The following HERC5 variants were observed in gnomAD, a reference collection of about 807,000 sequenced individuals.
The protein encoded by HERC5 is E3 ISG15--protein ligase HERC5.
HERC5 carries 99 observed loss-of-function variants against 119.6 expected under a neutral mutation model. That is an observed-to-expected ratio of 0.83 (90% CI 0.70 to 0.98). HERC5 has a LOEUF of 0.98. Ranked by LOEUF, HERC5 falls within the 50% of genes least tolerant of loss-of-function variation. HERC5 has a pLI of 0.00. For synonymous variants in HERC5, 478 were observed against 445.9 expected, an observed-to-expected ratio of 1.07 and a Z score of -0.91; for missense variants, 1,267 against 1,241.3, an observed-to-expected ratio of 1.02 and a Z score of -0.31.
chr4:88,467,024 A>AT (rs1387137021), intron 6 of HERC5, 35 bp from the exon 7 acceptor site: 3 of 1,609,024 alleles, frequency 1.9e-6, no homozygotes, highest in Admixed American at 1.7e-5. Flanking sequence ...ATTGTGGATA[A>AT]TTAAGAATTG....
At chr4:88,499,877 A>G (rs778127848) in intron 18 of HERC5, 49 bp from the exon 19 acceptor site, 4 of 1,253,018 alleles carry the variant, frequency 3.2e-6, no homozygotes, top group Non-Finnish European at 1.2e-6. Context: ...TGCTGTGTCT[A>G]GTGATCATGG....
In HERC5 at chr4:88,481,617, G is replaced by A. The variant is rs556764793; in HGVS notation, c.1737+2110G>A. On this transcript the variant is annotated intron_variant, in intron 13 of 22. Coordinates refer to ENST00000264350, the MANE Select transcript of HERC5 (RefSeq NM_016323.4). ...AATTATTACCCTAAATCAGGGGTCG[G>A]CAGCTTTTTTCTGGAAAGGACCAGA... is the stretch of plus-strand genomic sequence containing the variant. 2.0e-5 allele frequency among the ~76,000 whole-genome samples: 3 copies of A among 152,188 alleles called. No individual in the cohort carries two copies. The East Asian group carries it at 5.8e-4, about 29-fold the overall frequency.
intron 12 of HERC5, 54 bp downstream of exon 12, chr4:88,476,084 T>C (rs747762414): frequency 2.8e-6 from 4 of 1,429,672 alleles, no homozygotes; most frequent in Non-Finnish European, 2.9e-6. Flanking sequence ...GAAAGACATG[T>C]CTAGTAAAGT....
intron 13 of HERC5, among the ~76,000 whole-genome samples, chr4:88,482,616 A>C (rs1468816928): frequency 6.6e-6 from 1 of 152,182 alleles, no homozygotes; most frequent in Non-Finnish European, 1.5e-5. Context: ...GGTCCTTGGT[A>C]TATGCAGCCC....
chr4:88,482,901 G>T (rs565059390), intron 13 of HERC5, among the ~76,000 whole-genome samples: 2 of 152,172 alleles, frequency 1.3e-5, no homozygotes, highest in African/African-American at 4.8e-5. Flanking sequence ...AAAGTGCTGG[G>T]ATTACAGGTG....
At chr4:88,505,043 C>T (rs1025171182) in intron 22 of HERC5, among the ~76,000 whole-genome samples, 5 of 151,924 alleles carry the variant, frequency 3.3e-5, no homozygotes, top group Non-Finnish European at 5.9e-5. Context: ...AAATATTTAT[C>T]TTCTATTTTT....
intron 11 of HERC5, chr4:88,473,560 G>A: frequency 6.6e-6 from 1 of 152,240 alleles, no homozygotes; most frequent in Non-Finnish European, 1.5e-5. Flanking sequence ...GGTCCGAGGT[G>A]AAATGGTTCC....
chr4:88,484,373 C>T (rs1261116951), intron 13 of HERC5, among the ~76,000 whole-genome samples: 1 of 152,122 alleles, frequency 6.6e-6, no homozygotes, highest in Non-Finnish European at 1.5e-5. Context: ...TTCCTTGGAA[C>T]TTTATCTTTT....
At chr4:88,486,719 A>G (rs1313232572) in intron 14 of HERC5, among the ~76,000 whole-genome samples, 1 of 152,220 alleles carries the variant, frequency 6.6e-6, no homozygotes, top group Non-Finnish European at 1.5e-5. Context: ...AGCAAAATTC[A>G]TGTATGAGCT....
At chr4:88,458,114 C>T in intron 1 of HERC5, 1 of 977,136 alleles carries the variant, frequency 1.0e-6, no homozygotes, top group Non-Finnish European at 1.2e-6. Flanking sequence ...CGGTAAATTG[C>T]CTGTTTATCT....
In HERC5 at chr4:88,504,025, C is replaced by T. The variant is rs976892287; in HGVS notation, c.2583-207C>T. Among the ~76,000 whole-genome samples the T allele has an allele frequency of 1.4e-4, 22 of 151,766 alleles. 1 individual carries two copies. Among genetic ancestry groups the T allele is most frequent in the Admixed American group, 1.3e-3 (20 of 15,256 alleles). ...GAGGTTGCAATAAGCTAAGATCGCA[C>T]CACTGCATTCCAGCCCAGGTGACAG... On this transcript the variant is annotated intron_variant, in intron 20 of 22. Coordinates refer to ENST00000264350, the MANE Select transcript of HERC5 (RefSeq NM_016323.4).
At chr4:88,479,572 G>T (rs1057394399) in intron 13 of HERC5, 65 bp downstream of exon 13, 7 of 1,360,380 alleles carry the variant, frequency 5.1e-6, no homozygotes, top group Non-Finnish European at 6.9e-6. Context: ...CCTTTCAGCT[G>T]GCTTGAATCT....
chr4:88,499,938 A>C lies in HERC5; in HGVS notation c.2457A>C (p.Thr819=). Residue 819 remains threonine, a synonymous_variant, in exon 19 of 23, where the codon ACA becomes ACC. Coordinates refer to ENST00000264350, the MANE Select transcript of HERC5 (RefSeq NM_016323.4). ...ATTTTTTCCTTAGGAATTTGCAAAC[A>C]CTTCTGGATGATGAAGGTGATAACT... The part of the protein sequence containing the change: ...LSPDLGKNLQ[T]LLDDEGDNFE... The C allele has an allele frequency of 6.2e-7, 1 of 1,607,446 alleles. No individual in the cohort carries two copies. Among genetic ancestry groups the C allele is most frequent in the Admixed American group, 1.7e-5 (1 of 59,896 alleles).
chr4:88,485,488 A>G (rs1243773983), intron 13 of HERC5, among the ~76,000 whole-genome samples: 2 of 152,220 alleles, frequency 1.3e-5, no homozygotes, highest in East Asian at 3.8e-4. Flanking sequence ...AACATTCTAG[A>G]CACATGGTTT....
chr4:88,467,211 T>C lies in HERC5; in HGVS notation c.1057+7T>C. ...AGTGAAGAACTCAAACTTGGTAAAT[T>C]CTATAGGAACATAGGGTTTGGCATA... On this transcript the variant is annotated splice_region_variant and intron_variant, in intron 7 of 22. Coordinates refer to ENST00000264350, the MANE Select transcript of HERC5 (RefSeq NM_016323.4). 3 of 1,613,866 alleles carry C rather than the reference T, an allele frequency of 1.9e-6. No individual in the cohort carries two copies. The highest frequency in any genetic ancestry group is 2.5e-6 in the Non-Finnish European group (3 of 1,179,790).
chr4:88,479,539 T>TA, intron 13 of HERC5, 32 bp downstream of exon 13: 1 of 1,504,048 alleles, frequency 6.6e-7, no homozygotes, highest in South Asian at 1.4e-5. Flanking sequence ...TCTGTGTTTT[T>TA]ATCTAGCTGT....
At chr4:88,478,556 C>T (rs1333538684) in intron 12 of HERC5, among the ~76,000 whole-genome samples, 2 of 151,772 alleles carry the variant, frequency 1.3e-5, no homozygotes, top group South Asian at 2.1e-4. Flanking sequence ...AATAACATAT[C>T]GTATTAGGGA....
intron 3 of HERC5, among the ~76,000 whole-genome samples, chr4:88,460,576 C>T (rs1387768342): frequency 6.6e-5 from 10 of 152,168 alleles, no homozygotes; most frequent in East Asian, 3.8e-4. Flanking sequence ...ACCTCTGATA[C>T]GTTTTAACAT....
chr4:88,494,229 G>A lies in HERC5; in HGVS notation c.2342G>A (p.Cys781Tyr). 1.2e-6 allele frequency: 2 copies of A among 1,612,834 alleles called. No homozygotes were observed. The highest frequency in any genetic ancestry group is 2.2e-5 in the South Asian group (2 of 90,982). Residue 781 changes from cysteine (C) to tyrosine (Y), a missense_variant, in exon 18 of 23, where the codon TGC becomes TAC. Cys to Tyr is a radical substitution (Grantham distance 194). Coordinates refer to ENST00000264350, the MANE Select transcript of HERC5 (RefSeq NM_016323.4). Reference protein sequence around the residue: ...GVLCGLSLFNCNVANLPFPLA... With the variant: ...GVLCGLSLFNYNVANLPFPLA... ...CTATGTGGACTTTCCCTGTTCAATT[G>A]CAATGTTGCCAACCTTCCTTTCCCA...
Sources: allele counts gnomAD v4.1 joint callset (sites outside exome capture counted in the v4.1 genomes callset), GRCh38; gene constraint gnomAD v4.1.1; transcripts MANE v1.5; gene names NCBI Gene and HGNC (gene_info 2026-07-23, HGNC 2026-07-21).